The following PLCB4 variants were observed in gnomAD, a reference collection of about 807,000 sequenced individuals.
PLCB4 encodes the protein 1-phosphatidylinositol 4,5-bisphosphate phosphodiesterase beta-4.
Under a neutral mutation model 178.8 loss-of-function variants are expected in PLCB4, and 77 were observed. That is an observed-to-expected ratio of 0.43 (90% CI 0.36 to 0.52). The LOEUF is 0.52. PLCB4 is among the 20% of genes least tolerant of loss of function. PLCB4 has a pLI of 0.00. For synonymous variants in PLCB4, 496 were observed against 490.8 expected (o/e 1.01, Z -0.14); for missense variants, 1,024 against 1,453.4 (o/e 0.70, Z 4.80).
intron 3 of PLCB4, among the ~76,000 whole-genome samples, chr20:9,232,207 T>C (rs1361943895): frequency 6.6e-6 from 1 of 152,168 alleles, no homozygotes; most frequent in African/African-American, 2.4e-5. Context: ...TTTGGGTTGA[T>C]GGACAGGCCT....
intron 1 of PLCB4, among the ~76,000 whole-genome samples, chr20:9,094,747 C>A (rs1226685682): frequency 2.6e-5 from 4 of 152,118 alleles, no homozygotes; most frequent in African/African-American, 9.7e-5. Flanking sequence ...AACTGAAGAT[C>A]TATAAGTGGC....
intron 3 of PLCB4, among the ~76,000 whole-genome samples, chr20:9,284,265 A>T (rs1028191376): frequency 6.6e-6 from 1 of 151,992 alleles, no homozygotes. Flanking sequence ...GCAGTGAGCC[A>T]TGCCGATATT....
intron 36 of PLCB4, among the ~76,000 whole-genome samples, chr20:9,472,163 G>A (rs2044234639): frequency 6.6e-6 from 1 of 152,182 alleles, no homozygotes; most frequent in African/African-American, 2.4e-5. Context: ...AAGAAACCCA[G>A]ACTATGTTAC....
intron 20 of PLCB4, among the ~76,000 whole-genome samples, chr20:9,404,389 G>A (rs2039277652): frequency 6.6e-6 from 1 of 152,054 alleles, no homozygotes; most frequent in Non-Finnish European, 1.5e-5. Context: ...CTGATATAGG[G>A]AATTGTGACT....
chr20:9,274,098 C>T (rs1049601979), intron 3 of PLCB4, among the ~76,000 whole-genome samples: 3 of 152,008 alleles, frequency 2.0e-5, no homozygotes, highest in African/African-American at 4.8e-5. Flanking sequence ...AGAAGAGTCA[C>T]ATTTAGAGTA....
chr20:9,263,667 A>G (rs1026303014), intron 3 of PLCB4, among the ~76,000 whole-genome samples: 1 of 152,142 alleles, frequency 6.6e-6, no homozygotes, highest in African/African-American at 2.4e-5. Context: ...TCTGGCAGCT[A>G]ATTTGTTTTG....
chr20:9,414,735 G>A (rs1173934301), intron 25 of PLCB4, among the ~76,000 whole-genome samples: 2 of 152,184 alleles, frequency 1.3e-5, no homozygotes, highest in Admixed American at 1.3e-4. Flanking sequence ...AAAGTGAGCA[G>A]TGCTTTTAAC....
chr20:9,364,533 C>T (rs1568658869), intron 8 of PLCB4, among the ~76,000 whole-genome samples: 2 of 152,180 alleles, frequency 1.3e-5, no homozygotes, highest in South Asian at 4.1e-4. Context: ...TACAGAAGGC[C>T]ATCCCTCTTG....
At chr20:9,100,441 G>T (rs1265629737) in intron 2 of PLCB4, among the ~76,000 whole-genome samples, 18 of 152,196 alleles carry the variant, frequency 1.2e-4, no homozygotes, top group Middle Eastern at 3.4e-3. Flanking sequence ...TGGCATGACT[G>T]CAGCTCACTG....
At chr20:9,353,163 C>T (rs1407375269) in intron 7 of PLCB4, among the ~76,000 whole-genome samples, 1 of 152,126 alleles carries the variant, frequency 6.6e-6, no homozygotes, top group African/African-American at 2.4e-5. Context: ...TTTTAGCCAC[C>T]AGTTTCAGAA....
chr20:9,124,550 G>A (rs2092060717), intron 2 of PLCB4, among the ~76,000 whole-genome samples: 1 of 152,108 alleles, frequency 6.6e-6, no homozygotes, highest in Admixed American at 6.5e-5. Context: ...TGAGATTGGT[G>A]AATAAAGGCA....
intron 20 of PLCB4, among the ~76,000 whole-genome samples, chr20:9,403,752 T>G (rs2039222336): frequency 6.6e-6 from 1 of 152,240 alleles, no homozygotes; most frequent in Non-Finnish European, 1.5e-5. Context: ...CCAGTCTGTT[T>G]ACACACCCAT....
At chr20:9,347,232 T>G (rs1440527346) in intron 7 of PLCB4, among the ~76,000 whole-genome samples, 1 of 152,176 alleles carries the variant, frequency 6.6e-6, no homozygotes, top group Non-Finnish European at 1.5e-5. Context: ...CACTTTCACT[T>G]ATTTCCAGCT....
At position 9,327,275 on chromosome 20, in the gene PLCB4, C is replaced by CA. The variant is rs1395155502; in HGVS notation, c.85-9842dup. 1.9e-3 allele frequency among the ~76,000 whole-genome samples: 248 copies of CA among 131,764 alleles called. 1 individual carries two copies. Among genetic ancestry groups the CA allele is most frequent in the African/African-American group, 8.2e-3 (214 of 26,114 alleles). The allele number at this position is 131,764 out of a possible 152,430, so 86.4% of individuals were successfully genotyped here. On this transcript the variant is annotated intron_variant, in intron 4 of 39. Coordinates refer to ENST00000378473, the MANE Select transcript of PLCB4 (RefSeq NM_001377142.1). ...ACAACATAGCGAAACTCTGTCTCTA[C>CA]AAAAAAAAATTTTTTTTTTTAATTA...
At chr20:9,371,434 T>C in intron 10 of PLCB4, 139 bp downstream of exon 10, 4 of 436,174 alleles carry the variant, frequency 9.2e-6, no homozygotes, top group Non-Finnish European at 1.6e-5. Flanking sequence ...GTACAGTTAA[T>C]TTTCTTTTCT....
chr20:9,392,771 C>T (rs953284366), intron 17 of PLCB4, among the ~76,000 whole-genome samples: 1 of 152,124 alleles, frequency 6.6e-6, no homozygotes, highest in African/African-American at 2.4e-5. Context: ...AGTTATACCA[C>T]GCTGCTGGAA....
chr20:9,457,278 C>T, intron 33 of PLCB4, 136 bp from the exon 34 acceptor site: 5 of 639,318 alleles, frequency 7.8e-6, no homozygotes, highest in Non-Finnish European at 1.4e-5. Flanking sequence ...ACTAGAAAGA[C>T]CAGTGTTGCC....
At chr20:9,168,831 A>G (rs1437725550) in intron 2 of PLCB4, among the ~76,000 whole-genome samples, 2 of 152,130 alleles carry the variant, frequency 1.3e-5, no homozygotes, top group Non-Finnish European at 2.9e-5. Context: ...TCTCTGGTAG[A>G]AATGTGTGGG....
intron 33 of PLCB4, among the ~76,000 whole-genome samples, chr20:9,454,689 A>G (rs1270773812): frequency 2.6e-5 from 4 of 152,202 alleles, no homozygotes; most frequent in Non-Finnish European, 5.9e-5. Flanking sequence ...CATATTGCCG[A>G]AATTTCAGAT....
Sources: gnomAD v4.1 joint callset for allele counts (sites outside exome capture counted in the v4.1 genomes callset) on GRCh38, gnomAD v4.1.1 for gene constraint, MANE v1.5 for transcripts, NCBI Gene and HGNC (gene_info 2026-07-23, HGNC 2026-07-21) for gene names.